The following PTK7 variants were observed in gnomAD, a reference collection of about 807,000 sequenced individuals.
PTK7 encodes inactive tyrosine-protein kinase 7.
A neutral mutation model predicts 116.6 loss-of-function variants in PTK7; 39 were observed. The observed-to-expected ratio is 0.33, with a 90% confidence interval of 0.26 to 0.44. The LOEUF is 0.44. Ranked by LOEUF, PTK7 falls within the 20% of genes least tolerant of loss-of-function variation. The pLI is 1.00. For synonymous variants in PTK7, 546 were observed against 563.6 expected (o/e 0.97, Z 0.44); for missense variants, 1,169 against 1,425.6 (o/e 0.82, Z 2.90).
intron 18 of PTK7, 89 bp downstream of exon 18, chr6:43,159,057 G>A (rs1771682270): frequency 1.3e-6 from 2 of 1,520,290 alleles, no homozygotes; most frequent in Admixed American, 3.5e-5. Context: ...TGTGGGAAAG[G>A]GTTTAGTGCC....
chr6:43,079,406 G>A (rs963497608), intron 1 of PTK7, among the ~76,000 whole-genome samples: 1 of 151,738 alleles, frequency 6.6e-6, no homozygotes, highest in Admixed American at 6.6e-5. Flanking sequence ...GGTGGAGCTT[G>A]CAGTGATCGT....
intron 1 of PTK7, among the ~76,000 whole-genome samples, chr6:43,118,674 T>C (rs1476790662): frequency 1.8e-5 from 2 of 110,090 alleles, no homozygotes; most frequent in Non-Finnish European, 3.6e-5. Context: ...TATATATATA[T>C]ATATATATAT....
At chr6:43,119,409 C>T (rs1295375676) in intron 1 of PTK7, among the ~76,000 whole-genome samples, 1 of 152,202 alleles carries the variant, frequency 6.6e-6, no homozygotes, top group Non-Finnish European at 1.5e-5. Flanking sequence ...TAGTTCACCC[C>T]CTGCTTCTGC....
chr6:43,082,495 G>C (rs1289326979), intron 1 of PTK7, among the ~76,000 whole-genome samples: 1 of 152,004 alleles, frequency 6.6e-6, no homozygotes, highest in Non-Finnish European at 1.5e-5. Flanking sequence ...ATTTTAACAA[G>C]ATGCTCAGGT....
At position 43,129,545 on chromosome 6, in the gene PTK7, C is replaced by A; in HGVS notation, c.368-182C>A. The A allele has an allele frequency of 1.5e-6, 1 of 679,842 alleles. No individual in the cohort carries two copies. The highest frequency in any genetic ancestry group is 2.5e-6 in the Non-Finnish European group (1 of 407,560). 42.1% of individuals were successfully genotyped at this position (679,842 alleles called of 1,614,324 possible). A position where few individuals can be genotyped will look rare whatever the true frequency, so the allele number is the denominator to read the frequency against. ...TGGCCAAGTGTCAGACTTGACCTGC[C>A]AGGGACCAGGCAGGCACTTAGTATC... On this transcript the variant is annotated intron_variant, in intron 2 of 19. Coordinates refer to ENST00000230419, the MANE Select transcript of PTK7 (RefSeq NM_002821.5). This position sits in a 1 kb window ranked among gnomAD's most constrained non-coding sequence, Gnocchi z 4.5.
chr6:43,143,275 C>T lies in PTK7; in HGVS notation c.2048-142C>T. 4 of 740,040 alleles carry T rather than the reference C, an allele frequency of 5.4e-6. No individual in the cohort carries two copies. Among genetic ancestry groups the T allele is most frequent in the South Asian group, 3.6e-5 (2 of 55,482 alleles). The allele number at this position is 740,040 out of a possible 1,614,324, so 45.8% of individuals were successfully genotyped here. ...TGGTGGGGCATGAGGACCTGCTGGC[C>T]CTTGTTAAAGCCAGTGAAGGTGGTG... On this transcript the variant is annotated intron_variant, in intron 13 of 19. Transcript: ENST00000230419. The surrounding 1 kb of genome is among the most constrained non-coding windows in gnomAD (Gnocchi z 4.2).
intron 17 of PTK7, 31 bp from the exon 18 acceptor site, chr6:43,158,786 G>C: frequency 6.2e-7 from 1 of 1,607,164 alleles, no homozygotes; most frequent in Non-Finnish European, 8.5e-7. Flanking sequence ...CTATTCCTGG[G>C]CTGCTCTAAC....
chr6:43,128,891 C>T, intron 1 of PTK7, 86 bp from the exon 2 acceptor site: 1 of 1,423,232 alleles, frequency 7.0e-7, no homozygotes, highest in South Asian at 1.4e-5. Context: ...TACACAGCCC[C>T]TTTCCTCCTG....
At chr6:43,115,055 A>AAT (rs397743213) in intron 1 of PTK7, among the ~76,000 whole-genome samples, 1 of 151,250 alleles carries the variant, frequency 6.6e-6, no homozygotes, top group East Asian at 1.9e-4. Context: ...AAAAAAAAAA[A>AAT]CTTTACAAAA....
intron 1 of PTK7, among the ~76,000 whole-genome samples, chr6:43,108,966 A>G (rs1300954258): frequency 6.6e-6 from 1 of 152,232 alleles, no homozygotes; most frequent in Non-Finnish European, 1.5e-5. Flanking sequence ...TGTTCAAGAA[A>G]GGGAAAAATA....
intron 1 of PTK7, among the ~76,000 whole-genome samples, chr6:43,101,565 A>T (rs1444450900): frequency 6.7e-6 from 1 of 149,764 alleles, no homozygotes; most frequent in African/African-American, 2.4e-5. Context: ...AAAAAAAATA[A>T]AAAAAAAAAG....
At chr6:43,078,274 T>TG (rs1355044910) in intron 1 of PTK7, among the ~76,000 whole-genome samples, 1 of 143,056 alleles carries the variant, frequency 7.0e-6, no homozygotes, top group Non-Finnish European at 1.5e-5. Flanking sequence ...CGCGTGTGTG[T>TG]GGGGGATCCT....
At chr6:43,085,282 TG>T (rs1766591441) in intron 1 of PTK7, among the ~76,000 whole-genome samples, 1 of 152,166 alleles carries the variant, frequency 6.6e-6, no homozygotes, top group South Asian at 2.1e-4. Flanking sequence ...CTTTCTTTTT[TG>T]AGATGGAGTT....
intron 1 of PTK7, among the ~76,000 whole-genome samples, chr6:43,082,239 G>C (rs1766420094): frequency 6.6e-6 from 1 of 152,206 alleles, no homozygotes; most frequent in African/African-American, 2.4e-5. Context: ...GCAGTGGCAC[G>C]ATCTTGGCTC....
At chr6:43,102,831 A>G (rs748423393) in intron 1 of PTK7, among the ~76,000 whole-genome samples, 15 of 152,336 alleles carry the variant, frequency 9.8e-5, no homozygotes, top group Non-Finnish European at 1.8e-4. Context: ...AAATAATGCT[A>G]TAAGAAAGAA....
intron 1 of PTK7, among the ~76,000 whole-genome samples, chr6:43,121,850 A>G (rs1708831682): frequency 6.6e-6 from 1 of 152,214 alleles, no homozygotes; most frequent in Non-Finnish European, 1.5e-5. Flanking sequence ...TCAAAACGTT[A>G]CAAATGTGGC....
chr6:43,107,076 C>T (rs1187503717), intron 1 of PTK7, among the ~76,000 whole-genome samples: 1 of 151,970 alleles, frequency 6.6e-6, no homozygotes, highest in Non-Finnish European at 1.5e-5. Context: ...GTGTGCACCA[C>T]CATGCCTGGC....
rs371316124 is a variant in PTK7, at chr6:43,139,562, G to C, written c.1618+37G>C. The C allele has an allele frequency of 6.2e-7, 1 of 1,611,704 alleles. No individual in the cohort carries two copies. The highest frequency in any genetic ancestry group is 1.1e-5 in the South Asian group (1 of 90,732). On this transcript the variant is annotated intron_variant, in intron 10 of 19. Coordinates refer to ENST00000230419, the MANE Select transcript of PTK7 (RefSeq NM_002821.5). This position sits in a 1 kb window ranked among gnomAD's most constrained non-coding sequence, Gnocchi z 4.6. ...GCCGGCATAGGGTAGGGGCAGGCAG[G>C]CAGTTCACTGATCAGATACATACCT...
intron 17 of PTK7, among the ~76,000 whole-genome samples, chr6:43,150,903 G>A (rs988654013): frequency 7.2e-6 from 1 of 138,654 alleles, no homozygotes; most frequent in South Asian, 2.4e-4. Flanking sequence ...CGCCTCCCAA[G>A]TAGCTGGGAT....
Sources: allele counts gnomAD v4.1 joint callset (sites outside exome capture counted in the v4.1 genomes callset), GRCh38; gene constraint gnomAD v4.1.1; non-coding constraint Gnocchi (gnomAD v3.1); transcripts MANE v1.5; gene names NCBI Gene and HGNC (gene_info 2026-07-23, HGNC 2026-07-21).